Variants in CLDN16 observed in about 807,000 individuals in gnomAD.
The protein encoded by CLDN16 is claudin 16.
CLDN16 carries 13 observed loss-of-function variants against 24.6 expected under a neutral mutation model. The ratio of observed to expected loss-of-function variants is 0.53; its 90% CI spans 0.34 to 0.84. The LOEUF (loss-of-function observed/expected upper bound fraction) is 0.84. Ranked by LOEUF, CLDN16 falls within the 40% of genes least tolerant of loss-of-function variation. The pLI is 0.01. For missense variants in CLDN16, 298 were observed against 292.7 expected, an observed-to-expected ratio of 1.02 and a Z score of -0.13; for synonymous variants, 116 against 106.7, an observed-to-expected ratio of 1.09 and a Z score of -0.54.
At chr3:190,337,041 T>C (rs1335465909) in intron 1 of CLDN16, among the ~76,000 whole-genome samples, 1 of 152,206 alleles carries the variant, frequency 6.6e-6, no homozygotes, top group African/African-American at 2.4e-5. Flanking sequence ...GAGCAGCTAA[T>C]AGAGGAAGAA....
chr3:190,346,967 C>T (rs1247548704), intron 1 of CLDN16, among the ~76,000 whole-genome samples: 18 of 152,094 alleles, frequency 1.2e-4, no homozygotes, highest in Non-Finnish European at 7.3e-5. Flanking sequence ...GTTCACACGC[C>T]GAGGTTTGGG....
chr3:190,357,621 G>A (rs1465289683), intron 1 of CLDN16, among the ~76,000 whole-genome samples: 2 of 151,802 alleles, frequency 1.3e-5, no homozygotes, highest in Non-Finnish European at 2.9e-5. Flanking sequence ...AATAATTTAA[G>A]CTTACCTTTC....
chr3:190,363,097 G>A (rs1432439209), intron 1 of CLDN16, among the ~76,000 whole-genome samples: 2 of 151,672 alleles, frequency 1.3e-5, no homozygotes, highest in Non-Finnish European at 2.9e-5. Context: ...ACAACCATTC[G>A]ATATTAATTC....
At chr3:190,380,126 T>TCCTTCCTTCCTTCCTTCCTTCCTC (rs1560091440) in intron 3 of CLDN16, among the ~76,000 whole-genome samples, 3 of 61,452 alleles carry the variant, frequency 4.9e-5, no homozygotes, top group African/African-American at 1.8e-4. Flanking sequence ...ATTCCTTCCT[T>TCCTTCCTTCCTTCCTTCCTTCCTC]TCTTCCTTCC....
intron 1 of CLDN16, among the ~76,000 whole-genome samples, chr3:190,339,213 T>A (rs60217989): frequency 0.069 from 10,461 of 152,282 alleles, 554 homozygotes; most frequent in African/African-American, 0.14. Flanking sequence ...GACTTCTAAG[T>A]GTATTCCTTC....
chr3:190,408,822 A>G (rs59168601), intron 4 of CLDN16, among the ~76,000 whole-genome samples: 3,633 of 145,292 alleles, frequency 0.025, 148 homozygotes, highest in African/African-American at 0.085. Flanking sequence ...TATACTATAT[A>G]TGTATATATA....
chr3:190,323,361 G>T (rs1050188528), intron 1 of CLDN16, among the ~76,000 whole-genome samples: 1 of 152,152 alleles, frequency 6.6e-6, no homozygotes, highest in African/African-American at 2.4e-5. Flanking sequence ...AAAAGGACTG[G>T]GCTGGAGTTG....
Position 190,411,091 on chromosome 3 carries a change from T to C in CLDN16, c.*1055T>C, listed in dbSNP as rs1259042040. 5 of 152,156 alleles carry C rather than the reference T, an allele frequency of 3.3e-5. No individual in the cohort carries two copies. In the East Asian group the frequency reaches 7.7e-4, roughly 24 times the overall value. 9.4% of individuals were successfully genotyped at this position (152,156 alleles called of 1,614,324 possible). On this transcript the variant is annotated 3_prime_UTR_variant, in exon 5 of 5. Transcript: ENST00000264734. ...TCCTGGCTAACATGGTGAAACCCTG[T>C]CTCTACTAAAAATACAAAAATTAGC...
chr3:190,313,427 T>C, the CLDN16 span, among the ~76,000 whole-genome samples: 1 of 152,252 alleles, frequency 6.6e-6, no homozygotes, highest in African/African-American at 2.4e-5. Context: ...CTATCCTGGA[T>C]GTTAACTATT....
At chr3:190,380,535 A>C (rs1718348834) in intron 3 of CLDN16, among the ~76,000 whole-genome samples, 1 of 152,120 alleles carries the variant, frequency 6.6e-6, no homozygotes, top group African/African-American at 2.4e-5. Flanking sequence ...TGAAGTATTC[A>C]TGGGTTAAGA....
chr3:190,318,379 C>T (rs1204133215), upstream of CLDN16, among the ~76,000 whole-genome samples: 1 of 152,180 alleles, frequency 6.6e-6, no homozygotes, highest in Non-Finnish European at 1.5e-5. Flanking sequence ...CCCCTTCAAT[C>T]ACTGAAGTAA....
upstream of CLDN16, among the ~76,000 whole-genome samples, chr3:190,386,294 A>T (rs1718495842): frequency 6.6e-6 from 1 of 152,168 alleles, no homozygotes; most frequent in African/African-American, 2.4e-5. Flanking sequence ...TCCAACTGTT[A>T]AACAAAATAA....
chr3:190,323,799 A>T (rs1412271993), intron 1 of CLDN16, among the ~76,000 whole-genome samples: 2 of 152,224 alleles, frequency 1.3e-5, no homozygotes, highest in Non-Finnish European at 2.9e-5. Flanking sequence ...TTAAAACTAA[A>T]GGACTTGGCC....
chr3:190,322,274 C>T (rs940970210), upstream of CLDN16: 5 of 1,400,308 alleles, frequency 3.6e-6, no homozygotes, highest in Admixed American at 7.1e-5. Flanking sequence ...TGCAGGTGGG[C>T]AACCCGGACT....
chr3:190,296,165 T>C, the CLDN16 span, among the ~76,000 whole-genome samples: 1 of 152,370 alleles, frequency 6.6e-6, no homozygotes, highest in African/African-American at 2.4e-5. Flanking sequence ...ACATTTGTGA[T>C]ACAATGACGA....
At chr3:190,298,132 T>C in the CLDN16 span, among the ~76,000 whole-genome samples, 245 of 152,246 alleles carry the variant, frequency 1.6e-3, 1 homozygote, top group African/African-American at 4.0e-3. Flanking sequence ...AAAAGAATAG[T>C]TATGTAATAT....
intron 3 of CLDN16, among the ~76,000 whole-genome samples, chr3:190,379,449 G>T (rs1335537548): frequency 6.6e-6 from 1 of 151,960 alleles, no homozygotes; most frequent in Non-Finnish European, 1.5e-5. Flanking sequence ...ATGAATTTCT[G>T]GTGCCTAGCA....
At chr3:190,334,726 T>A (rs1023480382) in intron 1 of CLDN16, among the ~76,000 whole-genome samples, 4 of 152,230 alleles carry the variant, frequency 2.6e-5, no homozygotes, top group African/African-American at 9.6e-5. Flanking sequence ...TCCCAGGTGC[T>A]ACAGGTATTG....
the CLDN16 span, among the ~76,000 whole-genome samples, chr3:190,300,360 C>T: frequency 7.0e-6 from 1 of 142,802 alleles, no homozygotes; most frequent in East Asian, 1.9e-4. Context: ...ATGGGCTGGC[C>T]ACAAGGCTTT....
Sources: allele counts gnomAD v4.1 joint callset (sites outside exome capture counted in the v4.1 genomes callset), GRCh38; gene constraint gnomAD v4.1.1; transcripts MANE v1.5; gene names NCBI Gene and HGNC (gene_info 2026-07-23, HGNC 2026-07-21).